IARS2: variants seen among roughly 807,000 people sequenced by gnomAD.
IARS2 encodes isoleucine--tRNA ligase, mitochondrial.
Under a neutral mutation model 126.3 loss-of-function variants are expected in IARS2, and 56 were observed. That is an observed-to-expected ratio of 0.44 (90% confidence interval 0.36 to 0.55). The LOEUF is 0.55. Ranked by LOEUF, IARS2 falls within the 20% of genes least tolerant of loss-of-function variation. IARS2 has a pLI of 0.00. For synonymous variants in IARS2, 407 were observed against 441.1 expected, an observed-to-expected ratio of 0.92 and a Z score of 0.97; for missense variants, 1,127 against 1,245.9, an observed-to-expected ratio of 0.90 and a Z score of 1.44.
At position 220,136,891 on chromosome 1, in the gene IARS2, G is replaced by A. The variant is rs542365502; in HGVS notation, c.2029G>A (p.Val677Ile). 27 of 1,606,980 alleles carry A rather than the reference G, an allele frequency of 1.7e-5. No homozygotes were observed. In the African/African-American group the frequency reaches 3.6e-4, roughly 21 times the overall value. The change falls in exon 16 of 23, where the codon GTT becomes ATT. Residue 677 changes from valine (V) to isoleucine (I), a missense_variant. Physicochemically the swap from Val to Ile is conservative, Grantham distance 29. Coordinates refer to ENST00000366922, the MANE Select transcript of IARS2 (RefSeq NM_018060.4). Reference protein sequence around the residue: ...KSLGNVIHPDVVVNGGQDQSK... With the variant: ...KSLGNVIHPDIVVNGGQDQSK... ...TCTTGGGAATGTCATTCATCCTGAT[G>A]TTGTCGTTAATGGAGGACAAGTAGG... is the stretch of plus-strand genomic sequence containing the variant.
At chr1:220,094,595 GGT>G in intron 1 of IARS2, 112 bp downstream of exon 1, 2 of 874,896 alleles carry the variant, frequency 2.3e-6, no homozygotes, top group Non-Finnish European at 3.4e-6. Context: ...GGTGGGCGGG[GGT>G]GTGACCAGAT....
chr1:220,147,632 ATAGTATT>A lies in IARS2; in HGVS notation c.3037_*4del. ...GATGTGCAGAAGTTGTCAGTGGAAA[ATAGTATT>A]AACAGCTCACTCGAGCAAGAACCCT... On this transcript the variant is annotated stop_lost and 3_prime_UTR_variant, in exon 23 of 23. Coordinates refer to ENST00000366922, the MANE Select transcript of IARS2 (RefSeq NM_018060.4). 1 of 1,614,080 alleles carries A rather than the reference ATAGTATT, an allele frequency of 6.2e-7. No individual in the cohort carries two copies. The highest frequency in any genetic ancestry group is 1.3e-5 in the African/African-American group (1 of 75,040).
intron 14 of IARS2, among the ~76,000 whole-genome samples, chr1:220,129,443 A>G (rs1657217019): frequency 6.6e-6 from 1 of 152,174 alleles, no homozygotes; most frequent in South Asian, 2.1e-4. Context: ...TGTATTAAAC[A>G]CTAGAATTTA....
intron 7 of IARS2, among the ~76,000 whole-genome samples, chr1:220,103,160 C>A (rs1656614326): frequency 6.6e-6 from 1 of 151,988 alleles, no homozygotes. Context: ...CCTGCCTCAG[C>A]CTCCCGAGTA....
chr1:220,120,412 G>A (rs919324185), intron 12 of IARS2, among the ~76,000 whole-genome samples: 1 of 145,336 alleles, frequency 6.9e-6, no homozygotes, highest in African/African-American at 2.6e-5. Flanking sequence ...GTCTCACTCT[G>A]TTGCCAGGCT....
intron 10 of IARS2, among the ~76,000 whole-genome samples, chr1:220,109,408 A>G (rs1656753080): frequency 6.6e-6 from 1 of 152,086 alleles, no homozygotes; most frequent in Non-Finnish European, 1.5e-5. Flanking sequence ...TCAAAAAAAA[A>G]AAAAAAATCT....
intron 11 of IARS2, among the ~76,000 whole-genome samples, chr1:220,113,197 T>C (rs1444598592): frequency 1.3e-5 from 2 of 152,170 alleles, no homozygotes; most frequent in Admixed American, 1.3e-4. Context: ...CATGCCATTA[T>C]CACCACCTTT....
chr1:220,127,856 A>G (rs1657185285), intron 14 of IARS2, among the ~76,000 whole-genome samples: 3 of 152,204 alleles, frequency 2.0e-5, no homozygotes, highest in Admixed American at 2.0e-4. Context: ...AATATAAGTT[A>G]CATATTTTTA....
At chr1:220,101,766 T>C (rs1656577995) in intron 3 of IARS2, among the ~76,000 whole-genome samples, 1 of 152,126 alleles carries the variant, frequency 6.6e-6, no homozygotes, top group African/African-American at 2.4e-5. Context: ...TTTGGGAGGC[T>C]GAGGCGGGTA....
At chr1:220,119,621 A>T (rs919953784) in intron 12 of IARS2, among the ~76,000 whole-genome samples, 3 of 152,122 alleles carry the variant, frequency 2.0e-5, no homozygotes, top group East Asian at 1.9e-4. Context: ...GTTTCATTAT[A>T]AAAAAATTCC....
chr1:220,128,478 A>G (rs1657196611), intron 14 of IARS2, among the ~76,000 whole-genome samples: 1 of 152,164 alleles, frequency 6.6e-6, no homozygotes, highest in Non-Finnish European at 1.5e-5. Flanking sequence ...AGGCTCTCCC[A>G]TTGAGGTTTG....
At chr1:220,127,057 A>G (rs979343189) in intron 14 of IARS2, among the ~76,000 whole-genome samples, 12 of 152,234 alleles carry the variant, frequency 7.9e-5, no homozygotes, top group African/African-American at 2.2e-4. Context: ...TAGAATTTAT[A>G]ATACAGAAAA....
At chr1:220,135,812 A>ATT (rs1282331832) in intron 15 of IARS2, among the ~76,000 whole-genome samples, 3,283 of 125,902 alleles carry the variant, frequency 0.026, 79 homozygotes, top group East Asian at 0.088. Context: ...TTCATTTAAA[A>ATT]TTTTTTTTTT....
intron 14 of IARS2, among the ~76,000 whole-genome samples, chr1:220,128,416 G>A (rs1036919886): frequency 6.6e-6 from 1 of 152,194 alleles, no homozygotes; most frequent in African/African-American, 2.4e-5. Flanking sequence ...ATGCTGTGCA[G>A]GTTTGTAGCC....
At chr1:220,133,843 G>GA (rs1657316201) in intron 14 of IARS2, among the ~76,000 whole-genome samples, 1 of 151,706 alleles carries the variant, frequency 6.6e-6, no homozygotes, top group African/African-American at 2.4e-5. Flanking sequence ...CCAAAACATG[G>GA]ATAGTCTCTT....
intron 2 of IARS2, among the ~76,000 whole-genome samples, chr1:220,100,155 G>A (rs1656541754): frequency 6.6e-6 from 1 of 152,114 alleles, no homozygotes; most frequent in African/African-American, 2.4e-5. Flanking sequence ...TAATGAAGAG[G>A]TCTACTGTTT....
In IARS2 at chr1:220,115,777, C is replaced by T. The variant is rs148156339; in HGVS notation, c.1640+1303C>T. 5.9e-5 allele frequency among the ~76,000 whole-genome samples: 9 copies of T among 152,190 alleles called. 1 individual carries two copies. In the East Asian group the frequency reaches 1.7e-3, roughly 29 times the overall value. ...GCTTTGCCATTCACTGTGTGTGAGACTGAGGAATTTACTTAGCCTCTGGCT... is the reference window on the plus strand; with the variant it reads ...GCTTTGCCATTCACTGTGTGTGAGATTGAGGAATTTACTTAGCCTCTGGCT... On this transcript the variant is annotated intron_variant, in intron 12 of 22. Transcript: ENST00000366922.
At position 220,102,352 on chromosome 1, in the gene IARS2, G is replaced by A; in HGVS notation, c.700-11G>A. ...ATTCTACTTTTAACATCATATTTTT[G>A]TCTTTTATAGGGCTTGGTTTATCGA... On this transcript the variant is annotated splice_polypyrimidine_tract_variant and intron_variant, in intron 4 of 22. Coordinates refer to ENST00000366922, the MANE Select transcript of IARS2 (RefSeq NM_018060.4). The A allele has an allele frequency of 6.2e-7, 1 of 1,612,512 alleles. No individual in the cohort carries two copies. The highest frequency in any genetic ancestry group is 8.5e-7 in the Non-Finnish European group (1 of 1,179,636).
intron 19 of IARS2, among the ~76,000 whole-genome samples, 187 bp from the exon 20 acceptor site, chr1:220,141,616 C>A (rs1307086727): frequency 6.6e-6 from 1 of 152,172 alleles, no homozygotes; most frequent in East Asian, 1.9e-4. Context: ...GCCATGAGTG[C>A]TTTCAAGGAG....
Sources: gnomAD v4.1 joint callset for allele counts (sites outside exome capture counted in the v4.1 genomes callset) on GRCh38, gnomAD v4.1.1 for gene constraint, MANE v1.5 for transcripts, NCBI Gene and HGNC (gene_info 2026-07-23, HGNC 2026-07-21) for gene names.